The following PAM variants were observed in gnomAD, a reference collection of about 807,000 sequenced individuals.
PAM encodes peptidyl-glycine alpha-amidating monooxygenase.
A neutral mutation model predicts 122.1 loss-of-function variants in PAM; 72 were observed. That is an observed-to-expected ratio of 0.59 (90% CI 0.49 to 0.72). The LOEUF is 0.72. Ranked by LOEUF, PAM falls within the 30% of genes least tolerant of loss-of-function variation. The pLI is 0.00. For missense variants in PAM, 1,106 were observed against 1,183.7 expected (o/e 0.93, Z 0.96); for synonymous variants, 389 against 404.4 (o/e 0.96, Z 0.46).
chr5:102,777,554 T>C (rs1757500035), intron 1 of PAM, among the ~76,000 whole-genome samples: 1 of 152,094 alleles, frequency 6.6e-6, no homozygotes, highest in Non-Finnish European at 1.5e-5. Flanking sequence ...GACCTAATTG[T>C]CTGAGAGAGG....
intron 7 of PAM, among the ~76,000 whole-genome samples, chr5:102,929,295 A>C (rs923640021): frequency 6.6e-6 from 1 of 152,192 alleles, no homozygotes; most frequent in Non-Finnish European, 1.5e-5. Flanking sequence ...CTGTATTGTG[A>C]TCTCATACTT....
chr5:102,902,690 A>C (rs1399373236), intron 4 of PAM, among the ~76,000 whole-genome samples: 2 of 151,492 alleles, frequency 1.3e-5, no homozygotes, highest in African/African-American at 4.8e-5. Flanking sequence ...AGAGAAAATA[A>C]TATTTACTCG....
chr5:102,918,503 A>G (rs1187154409), intron 5 of PAM, among the ~76,000 whole-genome samples: 3 of 152,098 alleles, frequency 2.0e-5, no homozygotes, highest in African/African-American at 7.2e-5. Context: ...TATTTAAATT[A>G]CCCAGTTTAA....
chr5:102,926,515 A>G, intron 6 of PAM, 70 bp from the exon 7 acceptor site: 1 of 837,996 alleles, frequency 1.2e-6, no homozygotes, highest in South Asian at 1.4e-5. Context: ...AGTTCATAGA[A>G]CAGCAATTTG....
intron 1 of PAM, among the ~76,000 whole-genome samples, chr5:102,785,768 A>T (rs1210186800): frequency 2.6e-5 from 4 of 152,174 alleles, no homozygotes; most frequent in Non-Finnish European, 4.4e-5. Flanking sequence ...CTAGTAAGAG[A>T]TGTTTTTGTC....
intron 15 of PAM, 39 bp from the exon 16 acceptor site, chr5:102,990,233 C>T: frequency 1.4e-6 from 2 of 1,454,158 alleles, no homozygotes; most frequent in East Asian, 4.7e-5. Context: ...GCAATTCGAC[C>T]TTTCCCTTTT....
At chr5:102,786,028 G>A (rs1326946696) in intron 1 of PAM, among the ~76,000 whole-genome samples, 2 of 152,196 alleles carry the variant, frequency 1.3e-5, no homozygotes, top group Middle Eastern at 3.4e-3. Flanking sequence ...AGAATTTATG[G>A]AATATGTTAG....
intron 21 of PAM, among the ~76,000 whole-genome samples, chr5:103,011,082 AAAAAC>A (rs1330898573): frequency 6.6e-6 from 1 of 152,018 alleles, no homozygotes; most frequent in Non-Finnish European, 1.5e-5. Context: ...TGACAGAAGA[AAAAAC>A]AAACAAACAA....
intron 15 of PAM, among the ~76,000 whole-genome samples, chr5:102,983,108 T>C (rs944554066): frequency 2.0e-5 from 3 of 151,616 alleles, no homozygotes; most frequent in Non-Finnish European, 2.9e-5. Context: ...ATAGACTAGA[T>C]CAAGCAGAAG....
intron 12 of PAM, among the ~76,000 whole-genome samples, chr5:102,958,868 C>A (rs1241274052): frequency 6.6e-6 from 1 of 152,116 alleles, no homozygotes; most frequent in Non-Finnish European, 1.5e-5. Context: ...TTCTGTACAG[C>A]AAATAACCTA....
At chr5:102,982,239 G>A (rs1475803889) in intron 15 of PAM, among the ~76,000 whole-genome samples, 1 of 152,156 alleles carries the variant, frequency 6.6e-6, no homozygotes, top group African/African-American at 2.4e-5. Context: ...ATGAGCCACA[G>A]GGGGGCCTGA....
chr5:102,891,074 ACT>A (rs892135585), intron 3 of PAM, among the ~76,000 whole-genome samples: 2 of 151,912 alleles, frequency 1.3e-5, no homozygotes, highest in African/African-American at 4.8e-5. Context: ...GGAAAAAATG[ACT>A]CAATGCTCTA....
chr5:102,818,209 A>G (rs917072622), intron 1 of PAM, among the ~76,000 whole-genome samples: 1 of 151,698 alleles, frequency 6.6e-6, no homozygotes, highest in African/African-American at 2.4e-5. Flanking sequence ...CCACCAGAAC[A>G]TAAGTTGCAG....
intron 18 of PAM, 50 bp from the exon 19 acceptor site, chr5:103,006,751 T>C: frequency 1.5e-6 from 2 of 1,321,446 alleles, no homozygotes; most frequent in Non-Finnish European, 1.1e-6. Context: ...TGGGTGTAAG[T>C]CACTAATAAC....
In PAM at chr5:102,913,749, T is replaced by C. The variant is rs149240405; in HGVS notation, c.269-185T>C. 4.4e-3 allele frequency among the ~76,000 whole-genome samples: 677 copies of C among 152,162 alleles called. 5 individuals carry two copies. The highest frequency in any genetic ancestry group is 0.015 in the Admixed American group (226 of 15,228). On this transcript the variant is annotated intron_variant, in intron 4 of 25. Transcript: ENST00000438793. ...CAGCCTTATTTTTCCTTTTTACTCT[T>C]AATCAAATTATCAAGTCATGCTTAT...
At position 102,901,721 on chromosome 5, in the gene PAM, C is replaced by T. The variant is rs555048247; in HGVS notation, c.268+308C>T. On this transcript the variant is annotated intron_variant, in intron 4 of 25. Coordinates refer to ENST00000438793, the MANE Select transcript of PAM (RefSeq NM_001177306.2). Reference sequence around the variant, plus strand: ...CTGTCTGTGGCAGGATGCTTAATTCCACTCCACTCAACAGACAGTTTATTT... The same window carrying T: ...CTGTCTGTGGCAGGATGCTTAATTCTACTCCACTCAACAGACAGTTTATTT... Among the ~76,000 whole-genome samples, 13 of 151,544 alleles carry T rather than the reference C, an allele frequency of 8.6e-5. No individual in the cohort carries two copies. In the South Asian group the frequency reaches 2.1e-3, roughly 24 times the overall value.
chr5:102,910,496 T>G (rs1156567667), intron 4 of PAM, among the ~76,000 whole-genome samples: 2 of 151,924 alleles, frequency 1.3e-5, no homozygotes, highest in African/African-American at 4.8e-5. Context: ...TACTCACCTA[T>G]AAAATGTTCG....
chr5:102,984,242 C>T (rs573565770), intron 15 of PAM, among the ~76,000 whole-genome samples: 5 of 152,194 alleles, frequency 3.3e-5, no homozygotes, highest in East Asian at 1.9e-4. Context: ...CCTCACCTAC[C>T]GATAATAACC....
At chr5:102,815,239 T>C (rs995195426) in intron 1 of PAM, among the ~76,000 whole-genome samples, 9 of 151,736 alleles carry the variant, frequency 5.9e-5, no homozygotes, top group Admixed American at 3.9e-4. Flanking sequence ...AAGGAAAGGA[T>C]GTTGTTGGTT....
Sources: allele counts gnomAD v4.1 joint callset (sites outside exome capture counted in the v4.1 genomes callset), GRCh38; gene constraint gnomAD v4.1.1; transcripts MANE v1.5; gene names NCBI Gene and HGNC (gene_info 2026-07-23, HGNC 2026-07-21).